PBLD: variants seen among roughly 807,000 people sequenced by gnomAD.
The protein encoded by PBLD is phenazine biosynthesis like protein domain containing.
In PBLD, 26 loss-of-function variants were observed where a neutral mutation model predicts 31.3. The ratio of observed to expected loss-of-function variants is 0.83; its 90% confidence interval spans 0.61 to 1.15. The LOEUF is 1.15. Among genes scored for constraint, PBLD ranks in the 50% most tolerant of loss-of-function variants. The pLI is 0.00. For synonymous variants in PBLD, 114 were observed against 129.0 expected (o/e 0.88, Z 0.79); for missense variants, 307 against 351.7 (o/e 0.87, Z 1.02).
intron 1 of PBLD, among the ~76,000 whole-genome samples, chr10:68,307,568 T>C (rs1005653946): frequency 7.9e-5 from 12 of 152,070 alleles, no homozygotes; most frequent in African/African-American, 2.9e-4. Flanking sequence ...GGCATGATCT[T>C]GGCTCACTGC....
At chr10:68,325,437 T>C (rs960202777) in intron 1 of PBLD, among the ~76,000 whole-genome samples, 4 of 151,446 alleles carry the variant, frequency 2.6e-5, no homozygotes, top group African/African-American at 7.3e-5. Context: ...TGGTGGTGTA[T>C]GCCTGTAGTC....
chr10:68,329,723 C>T (rs2044982487), intron 1 of PBLD, among the ~76,000 whole-genome samples: 1 of 152,170 alleles, frequency 6.6e-6, no homozygotes, highest in African/African-American at 2.4e-5. Flanking sequence ...AGCCAATAAG[C>T]TAGTAACCAC....
chr10:68,307,451 A>C (rs552729257), intron 1 of PBLD, among the ~76,000 whole-genome samples: 1 of 152,214 alleles, frequency 6.6e-6, no homozygotes, highest in African/African-American at 2.4e-5. Context: ...GCATAATCAT[A>C]GTCTTTCTTA....
intron 1 of PBLD, among the ~76,000 whole-genome samples, chr10:68,319,055 G>GAA (rs60539171): frequency 3.6e-5 from 2 of 55,340 alleles, no homozygotes; most frequent in African/African-American, 1.0e-4. Flanking sequence ...GAAAGAGAGA[G>GAA]AAAGAAAGAA....
chr10:68,331,928 C>G (rs1487842246), intron 1 of PBLD: 1 of 152,334 alleles, frequency 6.6e-6, no homozygotes, highest in Admixed American at 6.5e-5. Flanking sequence ...CGCAACCCAC[C>G]ACCGCGCAGG....
In PBLD at chr10:68,330,572, G is replaced by T. The variant is rs192937654; in HGVS notation, c.-60+2212C>A. Among the ~76,000 whole-genome samples the T allele has an allele frequency of 1.4e-4, 22 of 152,306 alleles. No homozygotes were observed. In the East Asian group the frequency reaches 2.9e-3, roughly 20 times the overall value. ...GGGGGGGAAAGGGAGGTGGGACGGA[G>T]TCTCGCTCTGTCGCCCAGGCTGGAG... On this transcript the variant is annotated intron_variant, in intron 1 of 9. Coordinates refer to ENST00000358769, the MANE Select transcript of PBLD (RefSeq NM_022129.4).
At chr10:68,285,129 T>A (rs1564722426) in intron 9 of PBLD, 1 of 1,344,704 alleles carries the variant, frequency 7.4e-7, no homozygotes, top group Non-Finnish European at 9.5e-7. Flanking sequence ...GGGCAGTTAC[T>A]GTATCTGTGT....
chr10:68,297,872 T>A (rs2044451004), intron 2 of PBLD, among the ~76,000 whole-genome samples: 2 of 151,228 alleles, frequency 1.3e-5, no homozygotes, highest in Non-Finnish European at 2.9e-5. Context: ...TTTGGGAGGC[T>A]GAGGCGGGAG....
intron 4 of PBLD, among the ~76,000 whole-genome samples, chr10:68,292,512 C>CTTTTTT (rs66894235): frequency 6.1e-5 from 9 of 147,164 alleles, no homozygotes; most frequent in Non-Finnish European, 7.5e-5. Context: ...ACTTAGCCTC[C>CTTTTTT]TTTTTTTTTT....
chr10:68,288,234 A>T (rs998983210), intron 8 of PBLD: 4 of 481,436 alleles, frequency 8.3e-6, no homozygotes, highest in Non-Finnish European at 1.5e-5. Flanking sequence ...CCAAGGTCAA[A>T]AGCTAGGAAG....
chr10:68,288,963 C>T lies in PBLD; in HGVS notation c.480G>A (p.Lys160=), dbSNP rs140699438. Residue 160 remains lysine, a synonymous_variant, in exon 7 of 10, where the codon AAG becomes AAA. Transcript: ENST00000358769. ...QDICYSPDTQ[K]LLVRLSDVYN... ...AAACGTCACTGAGGCGGACGAGGAG[C>T]TTTTGGGTATCTGGAGAATAACAGA... 114 of 1,614,014 alleles carry T rather than the reference C, an allele frequency of 7.1e-5. No homozygotes were observed. The highest frequency in any genetic ancestry group is 7.6e-6 in the Non-Finnish European group (9 of 1,180,024).
At chr10:68,312,035 T>C (rs2044676023) in intron 1 of PBLD, among the ~76,000 whole-genome samples, 1 of 152,230 alleles carries the variant, frequency 6.6e-6, no homozygotes, top group African/African-American at 2.4e-5. Context: ...AGTCAAAAAA[T>C]TGTAAGTCAA....
At position 68,292,208 on chromosome 10, in the gene PBLD, G is replaced by A; in HGVS notation, c.314C>T (p.Thr105Ile). Residue 105 changes from threonine (T) to isoleucine (I), a missense_variant, in exon 5 of 10, where the codon ACT becomes ATT. Coordinates refer to ENST00000358769, the MANE Select transcript of PBLD (RefSeq NM_022129.4). ...KNMNSTLTFVTLSGELRARRA... is the reference protein window; with the variant it reads ...KNMNSTLTFVILSGELRARRA... ...TCTGGCCCTTAGTTCTCCACTCAGA[G>A]TGACAAACGTGAGCGTGCTATTCAT... is the stretch of plus-strand genomic sequence containing the variant. 6.2e-7 allele frequency: 1 copy of A among 1,613,630 alleles called. No individual in the cohort carries two copies. The highest frequency in any genetic ancestry group is 2.2e-5 in the East Asian group (1 of 44,882).
intron 1 of PBLD, among the ~76,000 whole-genome samples, chr10:68,330,390 G>A (rs981627735): frequency 2.0e-5 from 3 of 152,142 alleles, no homozygotes; most frequent in African/African-American, 7.2e-5. Flanking sequence ...ACCCCCAACA[G>A]GCTTCCCAAT....
intron 1 of PBLD, among the ~76,000 whole-genome samples, chr10:68,307,425 T>C (rs1243679641): frequency 1.3e-5 from 2 of 152,328 alleles, no homozygotes; most frequent in South Asian, 4.1e-4. Flanking sequence ...TTTCATATTA[T>C]ACATAGAACT....
rs1371808892 is a variant in PBLD at position 68,296,329 on chromosome 10, T to A, written c.220A>T (p.Ser74Cys). The part of the protein sequence containing the change: ...CFGLRWFTPA[S>C]EVPLCGHATL... ...GCATGGCCACAGAGTGGGACCTCAC[T>A]CGCTGGTGTAAACCATCTCAGTCCA... The change falls in exon 4 of 10, where the codon AGT becomes TGT. Residue 74 changes from serine to cysteine, a missense_variant. Physicochemically the swap from Ser to Cys is moderately radical, Grantham distance 112 (BLOSUM62 -1). Coordinates refer to ENST00000358769, the MANE Select transcript of PBLD (RefSeq NM_022129.4). 6.2e-7 allele frequency: 1 copy of A among 1,614,134 alleles called. No individual in the cohort carries two copies. The highest frequency in any genetic ancestry group is 8.5e-7 in the Non-Finnish European group (1 of 1,179,990).
intron 1 of PBLD, among the ~76,000 whole-genome samples, chr10:68,328,494 A>G (rs919390775): frequency 3.9e-5 from 6 of 152,114 alleles, no homozygotes; most frequent in African/African-American, 1.2e-4. Flanking sequence ...TCTGGGTCAC[A>G]TGGGTACTTC....
chr10:68,314,342 T>G (rs1443490512), intron 1 of PBLD, among the ~76,000 whole-genome samples: 1 of 152,078 alleles, frequency 6.6e-6, no homozygotes. Flanking sequence ...CTGGTGGAGT[T>G]TTGCTCTATC....
chr10:68,294,261 A>T (rs1379048171), intron 4 of PBLD, among the ~76,000 whole-genome samples: 1 of 152,166 alleles, frequency 6.6e-6, no homozygotes, highest in Non-Finnish European at 1.5e-5. Flanking sequence ...CAGATGCTTC[A>T]TCTTATCCTT....
Sources: allele counts gnomAD v4.1 joint callset (sites outside exome capture counted in the v4.1 genomes callset), GRCh38; gene constraint gnomAD v4.1.1; transcripts MANE v1.5; gene names NCBI Gene and HGNC (gene_info 2026-07-23, HGNC 2026-07-21).